The following REDIC1 variants were observed in gnomAD, a reference collection of about 807,000 sequenced individuals.
REDIC1 encodes the protein HEI10 Interacting Protein 1.
the REDIC1 span, among the ~76,000 whole-genome samples, chr12:39,683,847 T>G: frequency 6.6e-6 from 1 of 152,088 alleles, no homozygotes; most frequent in African/African-American, 2.4e-5. Flanking sequence ...AAAAGCATAT[T>G]TTCTTACTTT....
At chr12:39,682,749 G>T in the REDIC1 span, 9 of 1,613,208 alleles carry the variant, frequency 5.6e-6, no homozygotes, top group African/African-American at 1.3e-5. Flanking sequence ...AAAATGGAAA[G>T]GAAGTTTCAA....
chr12:39,715,631 C>T, the REDIC1 span, among the ~76,000 whole-genome samples: 1 of 151,928 alleles, frequency 6.6e-6, no homozygotes, highest in Admixed American at 6.6e-5. Context: ...CAAGACTAAG[C>T]AAAGATAACA....
chr12:39,814,751 G>T, the REDIC1 span, among the ~76,000 whole-genome samples: 2 of 151,862 alleles, frequency 1.3e-5, no homozygotes, highest in African/African-American at 4.8e-5. Context: ...TAGTAAGAAA[G>T]AAATTTTAAA....
chr12:39,889,257 T>C, the REDIC1 span, among the ~76,000 whole-genome samples: 1 of 152,202 alleles, frequency 6.6e-6, no homozygotes, highest in African/African-American at 2.4e-5. Flanking sequence ...CCAAATTTGT[T>C]ATCAATATAA....
chr12:39,775,522 T>A, the REDIC1 span, among the ~76,000 whole-genome samples: 1 of 152,214 alleles, frequency 6.6e-6, no homozygotes, highest in South Asian at 2.1e-4. Context: ...ATTTGAGTGG[T>A]CTAAGAAAAT....
chr12:39,733,669 C>T, the REDIC1 span, among the ~76,000 whole-genome samples: 1 of 152,186 alleles, frequency 6.6e-6, no homozygotes, highest in Admixed American at 6.5e-5. Context: ...GGGCTCTGCC[C>T]AGTTCAAACT....
the REDIC1 span, among the ~76,000 whole-genome samples, chr12:39,779,148 G>A: frequency 2.6e-4 from 40 of 152,274 alleles, no homozygotes; most frequent in Middle Eastern, 3.4e-3. Context: ...GCCTATGGGC[G>A]GGGTGCAACT....
the REDIC1 span, among the ~76,000 whole-genome samples, chr12:39,903,974 C>T: frequency 4.6e-5 from 7 of 152,016 alleles, no homozygotes; most frequent in Non-Finnish European, 1.0e-4. Flanking sequence ...TATCAGATTT[C>T]CTGCAGCTAC....
At chr12:39,665,025 C>G in the REDIC1 span, among the ~76,000 whole-genome samples, 1 of 152,160 alleles carries the variant, frequency 6.6e-6, no homozygotes, top group Admixed American at 6.5e-5. Flanking sequence ...TGTAGGTTGC[C>G]TGTTCATTCT....
At chr12:39,749,972 G>A in the REDIC1 span, among the ~76,000 whole-genome samples, 8 of 152,290 alleles carry the variant, frequency 5.3e-5, no homozygotes, top group East Asian at 7.7e-4. Context: ...TACTGAATGG[G>A]CAAAAACTGG....
At chr12:39,893,311 T>C in the REDIC1 span, among the ~76,000 whole-genome samples, 1 of 152,250 alleles carries the variant, frequency 6.6e-6, no homozygotes, top group Admixed American at 6.5e-5. Flanking sequence ...CTCTTTTCTT[T>C]TCTTTTGAGA....
At chr12:39,851,437 G>A in the REDIC1 span, among the ~76,000 whole-genome samples, 1 of 152,104 alleles carries the variant, frequency 6.6e-6, no homozygotes, top group Non-Finnish European at 1.5e-5. Context: ...TTTATATATT[G>A]ATAATTATTA....
chr12:39,843,944 A>T, the REDIC1 span, among the ~76,000 whole-genome samples: 11 of 151,918 alleles, frequency 7.2e-5, no homozygotes, highest in Admixed American at 7.2e-4. Context: ...TTTCCCCCCA[A>T]AGCATTACAA....
chr12:39,741,920 T>C, the REDIC1 span, among the ~76,000 whole-genome samples: 3 of 152,240 alleles, frequency 2.0e-5, no homozygotes, highest in African/African-American at 7.2e-5. Flanking sequence ...GGCCTGCAGA[T>C]GTGACTTAAC....
the REDIC1 span, among the ~76,000 whole-genome samples, chr12:39,797,732 A>ACACACACACATACG: frequency 1.8e-4 from 3 of 16,942 alleles, no homozygotes; most frequent in Non-Finnish European, 3.9e-4. Flanking sequence ...TGGTAAACAC[A>ACACACACACATACG]CACACACACA....
chr12:39,737,447 C>G, the REDIC1 span, among the ~76,000 whole-genome samples: 1 of 152,110 alleles, frequency 6.6e-6, no homozygotes, highest in Non-Finnish European at 1.5e-5. Flanking sequence ...TTTATAAGGT[C>G]GAGAGCCACT....
At chr12:39,858,978 T>C in the REDIC1 span, among the ~76,000 whole-genome samples, 14 of 151,056 alleles carry the variant, frequency 9.3e-5, no homozygotes, top group Admixed American at 3.3e-4. Context: ...CTCATGTTAA[T>C]GATGCGTTTG....
chr12:39,899,731 T>G, the REDIC1 span, among the ~76,000 whole-genome samples: 2 of 152,084 alleles, frequency 1.3e-5, no homozygotes, highest in African/African-American at 2.4e-5. Context: ...CCTTCATTTA[T>G]TTATGTACCC....
chr12:39,647,933 C>T, the REDIC1 span: 2 of 1,599,386 alleles, frequency 1.3e-6, no homozygotes, highest in South Asian at 1.1e-5. Context: ...TGGAATAGCA[C>T]CTACTCCTCA....
Sources: allele counts gnomAD v4.1 joint callset (sites outside exome capture counted in the v4.1 genomes callset), GRCh38; gene constraint gnomAD v4.1.1; transcripts MANE v1.5; gene names NCBI Gene and HGNC (gene_info 2026-07-23, HGNC 2026-07-21).